ESRRB: variants seen among roughly 807,000 people sequenced by gnomAD.
ESRRB encodes estrogen related receptor beta, also known as steroid hormone receptor ERR2.
In ESRRB, 16 loss-of-function variants were observed where a neutral mutation model predicts 46.0. That is an observed-to-expected ratio of 0.35 (90% CI 0.24 to 0.53). ESRRB has a LOEUF of 0.53. Ranked by LOEUF, ESRRB falls within the 20% of genes least tolerant of loss-of-function variation. The pLI, the probability that ESRRB is intolerant of heterozygous loss-of-function variation, is 0.93. For missense variants in ESRRB, 488 were observed against 607.4 expected (o/e 0.80, Z 2.07); for synonymous variants, 246 against 259.6 (o/e 0.95, Z 0.50).
chr14:76,486,487 A>G (rs1056402073), intron 5 of ESRRB, among the ~76,000 whole-genome samples: 1 of 152,164 alleles, frequency 6.6e-6, no homozygotes, highest in Non-Finnish European at 1.5e-5. Flanking sequence ...ACCTCTGCTA[A>G]TGGCCCTCCA....
At chr14:76,454,223 G>T (rs972140973) in intron 2 of ESRRB, among the ~76,000 whole-genome samples, 1 of 152,194 alleles carries the variant, frequency 6.6e-6, no homozygotes, top group African/African-American at 2.4e-5. Flanking sequence ...GGAATTCTAG[G>T]ATTCTCTGGG....
At chr14:76,332,788 A>AT (rs1884046193) in intron 1 of ESRRB, among the ~76,000 whole-genome samples, 2 of 11,812 alleles carry the variant, frequency 1.7e-4, no homozygotes, top group East Asian at 0.01. Context: ...TATATTATAT[A>AT]TAAATATATA....
rs532290240 is a variant in ESRRB at position 76,352,498 on chromosome 14, G to C, written c.2+41582G>C. Among the ~76,000 whole-genome samples the C allele has an allele frequency of 2.0e-5, 3 of 152,324 alleles. No homozygotes were observed. The East Asian group carries it at 5.8e-4, about 29-fold the overall frequency. On this transcript the variant is annotated intron_variant, in intron 1 of 6. Coordinates refer to the ESRRB transcript ENST00000512784. ...GTGATCAAGCCTCAAGCGGACCTGGGAGACTAGATTACTAGAGAAGTATTA... is the reference window on the plus strand; with the variant it reads ...GTGATCAAGCCTCAAGCGGACCTGGCAGACTAGATTACTAGAGAAGTATTA...
chr14:76,486,791 G>A (rs1890039921), intron 5 of ESRRB, among the ~76,000 whole-genome samples: 1 of 152,100 alleles, frequency 6.6e-6, no homozygotes, highest in Admixed American at 6.5e-5. Context: ...GGACACCCCT[G>A]CACTCCCAGG....
chr14:76,332,525 AAT>A (rs1555389278), intron 1 of ESRRB, among the ~76,000 whole-genome samples: 2 of 66,810 alleles, frequency 3.0e-5, no homozygotes, highest in African/African-American at 1.4e-4. Context: ...ATAATATATA[AAT>A]ATATACAATA....
intron 1 of ESRRB, among the ~76,000 whole-genome samples, chr14:76,387,830 G>A (rs191104292): frequency 3.3e-5 from 5 of 152,346 alleles, no homozygotes; most frequent in Non-Finnish European, 7.3e-5. Context: ...AGGGGGGATA[G>A]GAGAGCTAAA....
At chr14:76,363,034 C>G (rs1884482013) in intron 1 of ESRRB, among the ~76,000 whole-genome samples, 1 of 152,136 alleles carries the variant, frequency 6.6e-6, no homozygotes, top group Non-Finnish European at 1.5e-5. Flanking sequence ...AACTAAGTCT[C>G]CATAAAGACC....
intron 1 of ESRRB, among the ~76,000 whole-genome samples, chr14:76,354,220 A>T (rs1298743100): frequency 2.6e-3 from 74 of 28,228 alleles, no homozygotes; most frequent in African/African-American, 8.2e-3. Flanking sequence ...AGGGTCCTCT[A>T]CCCGCCCCCC....
intron 2 of ESRRB, among the ~76,000 whole-genome samples, chr14:76,451,100 T>C (rs1888363991): frequency 6.6e-6 from 1 of 152,058 alleles, no homozygotes; most frequent in South Asian, 2.1e-4. Flanking sequence ...GGACACTTTC[T>C]CAGAAGTGGA....
Position 76,352,841 on chromosome 14 carries a change from T to G in ESRRB, c.2+41925T>G, listed in dbSNP as rs144401724. On this transcript the variant is annotated intron_variant, in intron 1 of 6. Coordinates refer to the ESRRB transcript ENST00000512784. ...TTCTGGGAACGCGGGCTCTCTCCCC[T>G]CTTTCCCTCCGCCCCCACGCGCACA... 4.0e-3 allele frequency among the ~76,000 whole-genome samples: 615 copies of G among 152,288 alleles called. 2 individuals are homozygous for G. Among genetic ancestry groups the G allele is most frequent in the African/African-American group, 0.014 (578 of 41,574 alleles).
rs1210833720 is a variant in ESRRB at position 76,498,232 on chromosome 14, A to C, written c.1139A>C (p.Asp380Ala). ...LANSDSMYIE[D>A]LEAVQKLQDL... ...CCTGCAGATTCCATGTACATCGAGG[A>C]TCTAGAGGCTGTCCAGAAGCTGCAG... The change falls in exon 7 of 7, where the codon GAT (aspartate) becomes GCT (alanine). Residue 380 changes from aspartate to alanine, a missense_variant. By Grantham distance (126) the Asp-to-Ala change is moderately radical. Transcript: ENST00000644823. 2.5e-6 allele frequency: 4 copies of C among 1,613,654 alleles called. No homozygotes were observed. Among genetic ancestry groups the C allele is most frequent in the Non-Finnish European group, 3.4e-6 (4 of 1,180,008 alleles).
intron 1 of ESRRB, among the ~76,000 whole-genome samples, chr14:76,314,499 C>A (rs1883774404): frequency 6.6e-6 from 1 of 152,086 alleles, no homozygotes; most frequent in Admixed American, 6.5e-5. Context: ...GAAATGGATT[C>A]TCTCCCACTT....
At chr14:76,427,577 A>G (rs1349215784) in intron 1 of ESRRB, among the ~76,000 whole-genome samples, 1 of 152,196 alleles carries the variant, frequency 6.6e-6, no homozygotes, top group Non-Finnish European at 1.5e-5. Context: ...GGATGGATGA[A>G]TGACAGAAGG....
At chr14:76,317,756 G>C (rs1883819599) in intron 1 of ESRRB, among the ~76,000 whole-genome samples, 1 of 152,158 alleles carries the variant, frequency 6.6e-6, no homozygotes, top group African/African-American at 2.4e-5. Context: ...TTCAGGTGCT[G>C]ATGCTTTCAG....
At chr14:76,494,059 C>A (rs2980894) in intron 6 of ESRRB, among the ~76,000 whole-genome samples, 1 of 152,096 alleles carries the variant, frequency 6.6e-6, no homozygotes, top group African/African-American at 2.4e-5. Context: ...ACATGCCCCC[C>A]GTAAATGTCT....
intron 2 of ESRRB, among the ~76,000 whole-genome samples, chr14:76,449,492 A>C (rs1330909931): frequency 2.0e-5 from 3 of 152,062 alleles, no homozygotes; most frequent in Non-Finnish European, 2.9e-5. Flanking sequence ...CGGAAGTTGC[A>C]GTGAGCCAAG....
At chr14:76,365,789 C>A (rs1233036645) in intron 1 of ESRRB, among the ~76,000 whole-genome samples, 1 of 152,184 alleles carries the variant, frequency 6.6e-6, no homozygotes, top group Middle Eastern at 3.2e-3. Context: ...AAAAGATTTT[C>A]TTGGAGAGGA....
At chr14:76,314,034 A>G (rs916237966) in intron 1 of ESRRB, among the ~76,000 whole-genome samples, 4 of 152,118 alleles carry the variant, frequency 2.6e-5, no homozygotes, top group Non-Finnish European at 4.4e-5. Context: ...GTGACTCCGA[A>G]TATTTATGAG....
chr14:76,477,305 G>A (rs565981624), intron 3 of ESRRB, among the ~76,000 whole-genome samples: 1 of 152,172 alleles, frequency 6.6e-6, no homozygotes, highest in Non-Finnish European at 1.5e-5. Flanking sequence ...GAGCTGATGG[G>A]TATAAAGGGA....
Sources: allele counts gnomAD v4.1 joint callset (sites outside exome capture counted in the v4.1 genomes callset), GRCh38; gene constraint gnomAD v4.1.1; transcripts MANE v1.5; gene names NCBI Gene and HGNC (gene_info 2026-07-23, HGNC 2026-07-21).